LIPC: variants seen among roughly 807,000 people sequenced by gnomAD.
The protein encoded by LIPC is lipase C, hepatic type, also known as hepatic triacylglycerol lipase.
LIPC carries 44 observed loss-of-function variants against 50.7 expected under a neutral mutation model. The ratio of observed to expected loss-of-function variants is 0.87; its 90% confidence interval spans 0.68 to 1.11. LIPC has a LOEUF of 1.11. Ranked by LOEUF, LIPC falls within the 50% of genes most tolerant of loss-of-function variation. The pLI, the probability that LIPC is intolerant of heterozygous loss-of-function variation, is 0.00. For missense variants in LIPC, 697 were observed against 648.2 expected (o/e 1.08, Z -0.82); for synonymous variants, 271 against 256.4 (o/e 1.06, Z -0.54).
chr15:58,523,907 G>C lies in LIPC; in HGVS notation c.89-14426G>C, dbSNP rs554160759. On this transcript the variant is annotated intron_variant, in intron 1 of 8. Coordinates refer to ENST00000299022, the MANE Select transcript of LIPC (RefSeq NM_000236.3). ...CTACGATCACTACACTCCAGCCCAGGCAACAGAGCCAGAACTTGTCTCTAA... is the reference window on the plus strand; with the variant it reads ...CTACGATCACTACACTCCAGCCCAGCCAACAGAGCCAGAACTTGTCTCTAA... Among the ~76,000 whole-genome samples the C allele has an allele frequency of 2.6e-5, 4 of 152,224 alleles. No individual in the cohort carries two copies. The East Asian group carries it at 7.7e-4, about 29-fold the overall frequency.
At chr15:58,548,255 G>A (rs1437669512) in intron 5 of LIPC, 75 bp from the exon 6 acceptor site, 6 of 1,608,802 alleles carry the variant, frequency 3.7e-6, no homozygotes, top group African/African-American at 2.7e-5. Context: ...TGTGGGATGA[G>A]AACCAAGGTG....
chr15:58,557,407 TG>T, intron 6 of LIPC, among the ~76,000 whole-genome samples: 1 of 119,434 alleles, frequency 8.4e-6, no homozygotes, highest in Non-Finnish European at 1.6e-5. Context: ...TTTTTTGAGA[TG>T]TAGTCTTGCT....
chr15:58,465,201 A>AC (rs1221851935), intron 1 of LIPC, among the ~76,000 whole-genome samples: 3 of 151,630 alleles, frequency 2.0e-5, no homozygotes, highest in African/African-American at 7.3e-5. Flanking sequence ...TGTCCATGTC[A>AC]CCCCCCTTCT....
At chr15:58,559,671 C>G (rs1894084631) in intron 6 of LIPC, among the ~76,000 whole-genome samples, 1 of 145,128 alleles carries the variant, frequency 6.9e-6, no homozygotes, top group South Asian at 2.2e-4. Context: ...GCACTGCACC[C>G]AAGCCTCAGT....
intron 1 of LIPC, among the ~76,000 whole-genome samples, chr15:58,463,848 C>T (rs1171018123): frequency 6.6e-6 from 1 of 152,182 alleles, no homozygotes; most frequent in African/African-American, 2.4e-5. Flanking sequence ...GTACCTCTTG[C>T]ATAACTTTCA....
At chr15:58,514,928 T>G (rs554594239) in intron 1 of LIPC, among the ~76,000 whole-genome samples, 9 of 152,370 alleles carry the variant, frequency 5.9e-5, no homozygotes, top group African/African-American at 1.7e-4. Flanking sequence ...CTTACAGTTC[T>G]GGAGTCAAAA....
At chr15:58,478,464 C>T (rs1324109139) in intron 1 of LIPC, among the ~76,000 whole-genome samples, 12 of 152,228 alleles carry the variant, frequency 7.9e-5, no homozygotes, top group African/African-American at 2.9e-4. Context: ...GTCTCGAGCT[C>T]CTGACCTCAA....
chr15:58,473,376 C>T (rs1890877027), intron 1 of LIPC, among the ~76,000 whole-genome samples: 1 of 152,064 alleles, frequency 6.6e-6, no homozygotes, highest in African/African-American at 2.4e-5. Flanking sequence ...GTGAGGAAAG[C>T]AAAACTGTAA....
chr15:58,532,572 G>C (rs1466313973), intron 1 of LIPC, among the ~76,000 whole-genome samples: 1 of 152,226 alleles, frequency 6.6e-6, no homozygotes, highest in Non-Finnish European at 1.5e-5. Context: ...GAAAAACCTT[G>C]TGAGGGGCAT....
intron 1 of LIPC, among the ~76,000 whole-genome samples, chr15:58,533,386 T>C (rs1893013525): frequency 6.6e-6 from 1 of 152,186 alleles, no homozygotes; most frequent in Non-Finnish European, 1.5e-5. Context: ...ATGCTGAAGA[T>C]CAATTTGAAT....
chr15:58,529,379 GA>G (rs1163804971), intron 1 of LIPC, among the ~76,000 whole-genome samples: 6 of 152,244 alleles, frequency 3.9e-5, no homozygotes, highest in African/African-American at 1.4e-4. Flanking sequence ...GGGAGAGAAA[GA>G]AAAAAATCTA....
At chr15:58,451,630 C>T (rs1893901771) in intron 1 of LIPC, among the ~76,000 whole-genome samples, 1 of 152,202 alleles carries the variant, frequency 6.6e-6, no homozygotes, top group South Asian at 2.1e-4. Flanking sequence ...GGGAAACATC[C>T]TATCCACCAC....
At chr15:58,567,331 A>G (rs1216200022) in intron 8 of LIPC, among the ~76,000 whole-genome samples, 1 of 20,716 alleles carries the variant, frequency 4.8e-5, no homozygotes, top group Non-Finnish European at 9.8e-5. Flanking sequence ...GTGTATATAT[A>G]TATATATGTA....
At chr15:58,447,230 G>A (rs1190369725) in intron 1 of LIPC, among the ~76,000 whole-genome samples, 7 of 151,166 alleles carry the variant, frequency 4.6e-5, no homozygotes, top group African/African-American at 1.5e-4. Context: ...GGAGCTCATG[G>A]AAAGCATCCC....
intron 1 of LIPC, among the ~76,000 whole-genome samples, chr15:58,537,806 G>A (rs1893184215): frequency 6.6e-6 from 1 of 151,856 alleles, no homozygotes; most frequent in Non-Finnish European, 1.5e-5. Flanking sequence ...ACTCACCCCT[G>A]TACCTTGTCC....
chr15:58,436,583 CTT>C, intron 1 of LIPC: 3 of 299,102 alleles, frequency 1.0e-5, no homozygotes, highest in Non-Finnish European at 2.0e-5. Context: ...ACTGAAAATA[CTT>C]TTGTCTTATA....
In LIPC at chr15:58,537,661, A is replaced by AAC. The variant is rs375538817; in HGVS notation, c.89-659_89-658dup. Among the ~76,000 whole-genome samples the AAC allele has an allele frequency of 4.2e-4, 64 of 151,942 alleles. 2 individuals are homozygous for AAC. Among genetic ancestry groups the AAC allele is most frequent in the Non-Finnish European group, 8.0e-4 (54 of 67,886 alleles). ...CAGCCACCCCTGACCCCCGCAACAA[A>AAC]ACACACACACACACTCAATCATCCT... On this transcript the variant is annotated intron_variant, in intron 1 of 8. Transcript: ENST00000299022.
At chr15:58,564,150 G>A (rs1266168622) in intron 8 of LIPC, 2 of 67,022 alleles carry the variant, frequency 3.0e-5, no homozygotes, top group South Asian at 2.8e-4. Context: ...AAATCTCGAT[G>A]TATCTCTCTC....
chr15:58,461,737 G>A (rs1467779930), intron 1 of LIPC, among the ~76,000 whole-genome samples: 4 of 151,878 alleles, frequency 2.6e-5, no homozygotes, highest in South Asian at 4.1e-4. Flanking sequence ...CTTAATCCCC[G>A]TGCAACTCTG....
Sources: gnomAD v4.1 joint callset for allele counts (sites outside exome capture counted in the v4.1 genomes callset) on GRCh38, gnomAD v4.1.1 for gene constraint, MANE v1.5 for transcripts, NCBI Gene and HGNC (gene_info 2026-07-23, HGNC 2026-07-21) for gene names.